Variants in ELF2 observed in about 807,000 individuals in gnomAD.
ELF2 encodes E74 like ETS transcription factor 2.
In ELF2, 11 loss-of-function variants were observed where a neutral mutation model predicts 54.8. The ratio of observed to expected loss-of-function variants is 0.20; its 90% confidence interval spans 0.13 to 0.33. The LOEUF (loss-of-function observed/expected upper bound fraction) is 0.33, where lower values mean the gene tolerates loss of function less well. ELF2 is among the 10% of genes least tolerant of loss of function. The probability of loss-of-function intolerance (pLI) is 1.00; values close to 1 mark genes in which losing one functional copy is unlikely to be tolerated. For missense variants in ELF2, 513 were observed against 703.0 expected, an observed-to-expected ratio of 0.73 and a Z score of 3.06; for synonymous variants, 203 against 245.1, an observed-to-expected ratio of 0.83 and a Z score of 1.61.
chr4:139,142,866 C>CAA (rs35505802), intron 1 of ELF2, among the ~76,000 whole-genome samples: 1 of 121,784 alleles, frequency 8.2e-6, no homozygotes, highest in Non-Finnish European at 1.7e-5. Context: ...GACCTTGTCT[C>CAA]AAAAAAAAAA....
intron 8 of ELF2, 24 bp downstream of exon 8, chr4:139,061,841 A>C (rs1000622798): frequency 6.2e-7 from 1 of 1,608,616 alleles, no homozygotes; most frequent in East Asian, 2.2e-5. Flanking sequence ...TTTTGTTTGA[A>C]TACTAGCTCA....
chr4:139,125,415 G>A (rs911037888), intron 3 of ELF2, 86 bp from the exon 4 acceptor site: 56 of 1,482,876 alleles, frequency 3.8e-5, no homozygotes, highest in African/African-American at 4.3e-5. Flanking sequence ...ATACAGTCTC[G>A]AGCAGTCCAC....
chr4:139,071,214 G>C (rs1378950352), intron 6 of ELF2, among the ~76,000 whole-genome samples: 1 of 151,380 alleles, frequency 6.6e-6, no homozygotes, highest in African/African-American at 2.4e-5. Flanking sequence ...GAAGGTATAA[G>C]GTAAAAATAG....
intron 4 of ELF2, among the ~76,000 whole-genome samples, chr4:139,082,536 C>T (rs1291152638): frequency 6.6e-6 from 1 of 152,246 alleles, no homozygotes; most frequent in Non-Finnish European, 1.5e-5. Flanking sequence ...CTGGTCACCA[C>T]TGTGTTGTAC....
At chr4:139,152,357 T>C (rs1313883123) in intron 1 of ELF2, among the ~76,000 whole-genome samples, 1 of 151,596 alleles carries the variant, frequency 6.6e-6, no homozygotes, top group Non-Finnish European at 1.5e-5. Context: ...TTTTTTGAAA[T>C]GGGATCTCAC....
chr4:139,143,645 C>T (rs931992249), intron 1 of ELF2, among the ~76,000 whole-genome samples: 1 of 152,014 alleles, frequency 6.6e-6, no homozygotes, highest in South Asian at 2.1e-4. Flanking sequence ...AATAGCCCAG[C>T]GTGGTGGCAG....
At chr4:139,116,128 T>C (rs1735688569) in intron 4 of ELF2, among the ~76,000 whole-genome samples, 2 of 152,242 alleles carry the variant, frequency 1.3e-5, no homozygotes, top group Non-Finnish European at 2.9e-5. Context: ...ACCTGGCTGA[T>C]AGTTATTAAA....
intron 4 of ELF2, among the ~76,000 whole-genome samples, chr4:139,086,737 C>G (rs755100624): frequency 7.2e-5 from 11 of 152,014 alleles, no homozygotes; most frequent in Non-Finnish European, 1.6e-4. Context: ...GTCTTAGAGA[C>G]AATATGATAC....
At chr4:139,151,657 T>C (rs901592271) in intron 1 of ELF2, among the ~76,000 whole-genome samples, 1 of 152,192 alleles carries the variant, frequency 6.6e-6, no homozygotes, top group African/African-American at 2.4e-5. Context: ...GATTTAAAAG[T>C]ACCTAATTTT....
intron 1 of ELF2, among the ~76,000 whole-genome samples, chr4:139,160,060 A>G (rs1740968387): frequency 6.6e-6 from 1 of 152,246 alleles, no homozygotes; most frequent in East Asian, 1.9e-4. Flanking sequence ...CCTGCAGGCC[A>G]GGCGCAGTGG....
At chr4:139,105,370 G>A (rs771226836) in intron 4 of ELF2, among the ~76,000 whole-genome samples, 3 of 152,070 alleles carry the variant, frequency 2.0e-5, no homozygotes, top group Non-Finnish European at 4.4e-5. Flanking sequence ...ATAATGCCTT[G>A]CATTTACTAG....
intron 1 of ELF2, among the ~76,000 whole-genome samples, chr4:139,152,010 CTATT>C (rs1740049527): frequency 6.6e-6 from 1 of 152,070 alleles, no homozygotes; most frequent in Non-Finnish European, 1.5e-5. Context: ...AAGGGTGACT[CTATT>C]TATATGACAT....
rs1201705044 is a variant in ELF2 at position 139,132,902 on chromosome 4, G to C, written c.72+4728C>G. Among the ~76,000 whole-genome samples the C allele has an allele frequency of 5.7e-5, 8 of 140,216 alleles. No homozygotes were observed. The Admixed American group carries it at 5.8e-4, about 10-fold the overall frequency. The allele number at this position is 140,216 out of a possible 152,430, so 92.0% of individuals were successfully genotyped here. ...ATATGTAATTTTTTTTTTTGGTGGG[G>C]GTGAGGGAGAGACGAAGTCTTGCTC... On this transcript the variant is annotated intron_variant, in intron 3 of 9. Coordinates refer to ENST00000686138, the MANE Select transcript of ELF2 (RefSeq NM_001331036.3).
At chr4:139,170,341 T>A (rs1742167914) in intron 1 of ELF2, among the ~76,000 whole-genome samples, 1 of 140,008 alleles carries the variant, frequency 7.1e-6, no homozygotes, top group Non-Finnish European at 1.5e-5. Flanking sequence ...CTCGGCTCAC[T>A]GCAATCTCTG....
intron 1 of ELF2, chr4:139,155,059 C>A (rs1270581915): frequency 6.6e-6 from 1 of 152,180 alleles, no homozygotes; most frequent in South Asian, 2.1e-4. Context: ...TTGATTGAGA[C>A]CTGTCTCAGA....
intron 7 of ELF2, among the ~76,000 whole-genome samples, chr4:139,065,827 A>G (rs1293516404): frequency 6.6e-6 from 1 of 152,220 alleles, no homozygotes; most frequent in East Asian, 1.9e-4. Flanking sequence ...TAATAACTGT[A>G]TATTTACAGT....
chr4:139,170,361 T>A (rs1742171787), intron 1 of ELF2, among the ~76,000 whole-genome samples: 1 of 144,220 alleles, frequency 6.9e-6, no homozygotes, highest in Non-Finnish European at 1.5e-5. Context: ...GCCTCCCGGG[T>A]TCAAGCGATT....
At chr4:139,120,149 C>T (rs1334789202) in intron 4 of ELF2, among the ~76,000 whole-genome samples, 1 of 152,198 alleles carries the variant, frequency 6.6e-6, no homozygotes, top group Admixed American at 6.5e-5. Flanking sequence ...ATGACTATTA[C>T]CAAACTTATC....
chr4:139,102,545 A>T (rs1027277417), intron 4 of ELF2, among the ~76,000 whole-genome samples: 2 of 149,912 alleles, frequency 1.3e-5, no homozygotes, highest in Non-Finnish European at 3.0e-5. Flanking sequence ...GTCTCAAAAA[A>T]AAAAGGAAGT....
Sources: allele counts gnomAD v4.1 joint callset (sites outside exome capture counted in the v4.1 genomes callset), GRCh38; gene constraint gnomAD v4.1.1; transcripts MANE v1.5; gene names NCBI Gene and HGNC (gene_info 2026-07-23, HGNC 2026-07-21).